CACNG5: variants seen among roughly 807,000 people sequenced by gnomAD.
The protein encoded by CACNG5 is voltage-dependent calcium channel gamma-5 subunit.
Under a neutral mutation model 24.8 loss-of-function variants are expected in CACNG5, and 18 were observed. That is an observed-to-expected ratio of 0.73 (90% CI 0.50 to 1.08). The LOEUF (loss-of-function observed/expected upper bound fraction) is 1.08. Among genes scored for constraint, CACNG5 ranks in the 50% least tolerant of loss-of-function variants. The pLI is 0.00. For missense variants in CACNG5, 349 were observed against 367.9 expected, an observed-to-expected ratio of 0.95 and a Z score of 0.42; for synonymous variants, 157 against 149.1, an observed-to-expected ratio of 1.05 and a Z score of -0.39.
intron 1 of CACNG5, among the ~76,000 whole-genome samples, chr17:66,874,785 G>A (rs902600055): frequency 6.6e-6 from 1 of 152,126 alleles, no homozygotes. Context: ...TTAGTGGCAC[G>A]GTTGAGTGTA....
intron 1 of CACNG5, among the ~76,000 whole-genome samples, chr17:66,870,738 A>G (rs1598057316): frequency 6.6e-6 from 1 of 152,136 alleles, no homozygotes; most frequent in Non-Finnish European, 1.5e-5. Context: ...CAACACTTTG[A>G]GAGGCCGAGG....
intron 3 of CACNG5, among the ~76,000 whole-genome samples, chr17:66,879,989 G>A (rs1375130467): frequency 6.6e-6 from 1 of 152,104 alleles, no homozygotes; most frequent in African/African-American, 2.4e-5. Context: ...GTGGTTGAGA[G>A]ACCCACCATG....
At chr17:66,837,508 G>A (rs771133404) in intron 1 of CACNG5, among the ~76,000 whole-genome samples, 3 of 152,220 alleles carry the variant, frequency 2.0e-5, no homozygotes, top group Non-Finnish European at 4.4e-5. Flanking sequence ...TTTTGGGCCA[G>A]TCCTACTCCC....
chr17:66,877,005 G>T (rs537898587), intron 1 of CACNG5, among the ~76,000 whole-genome samples: 6 of 150,520 alleles, frequency 4.0e-5, no homozygotes, highest in African/African-American at 1.5e-4. Context: ...ATGAATGAAT[G>T]AATGAATGAA....
intron 1 of CACNG5, among the ~76,000 whole-genome samples, chr17:66,876,381 GC>G (rs564842548): frequency 1.3e-5 from 2 of 152,216 alleles, no homozygotes; most frequent in Non-Finnish European, 2.9e-5. Flanking sequence ...CTCCACGGGG[GC>G]TGGCATCCAT....
intron 1 of CACNG5, among the ~76,000 whole-genome samples, chr17:66,853,271 T>C (rs371328355): frequency 1.3e-5 from 2 of 152,362 alleles, no homozygotes; most frequent in African/African-American, 4.8e-5. Context: ...ACACTGGGGT[T>C]GTTTCTAGTT....
intron 1 of CACNG5, among the ~76,000 whole-genome samples, chr17:66,850,869 A>G (rs1310237853): frequency 6.6e-6 from 1 of 152,152 alleles, no homozygotes; most frequent in Non-Finnish European, 1.5e-5. Flanking sequence ...ATTGACTTAT[A>G]AGAGAGAAGG....
chr17:66,839,451 G>A (rs1375867531), intron 1 of CACNG5, among the ~76,000 whole-genome samples: 3 of 152,100 alleles, frequency 2.0e-5, no homozygotes, highest in Admixed American at 6.6e-5. Flanking sequence ...GTAGAAAATG[G>A]AGGAGGCTGC....
intron 4 of CACNG5, among the ~76,000 whole-genome samples, chr17:66,881,322 T>C (rs1977155346): frequency 6.6e-6 from 1 of 152,158 alleles, no homozygotes. Context: ...TCTTGAGTAT[T>C]CCTATTTTTG....
intron 3 of CACNG5, among the ~76,000 whole-genome samples, chr17:66,879,358 A>C (rs1377504299): frequency 6.6e-6 from 1 of 152,120 alleles, no homozygotes; most frequent in Admixed American, 6.5e-5. Flanking sequence ...CCCAGTATGA[A>C]TTTGCAATAT....
At chr17:66,845,290 TA>T (rs978432753) in intron 1 of CACNG5, among the ~76,000 whole-genome samples, 15 of 151,760 alleles carry the variant, frequency 9.9e-5, no homozygotes, top group African/African-American at 3.6e-4. Context: ...AGGGACCTGT[TA>T]GGGGGGTGGT....
intron 1 of CACNG5, among the ~76,000 whole-genome samples, chr17:66,860,345 T>C (rs914661889): frequency 6.6e-6 from 1 of 152,098 alleles, no homozygotes; most frequent in African/African-American, 2.4e-5. Context: ...AGACACATCA[T>C]AGTCAAAATG....
chr17:66,882,611 C>T (rs11659136), intron 4 of CACNG5, among the ~76,000 whole-genome samples: 67,680 of 151,714 alleles, frequency 0.45, 15,558 homozygotes, highest in African/African-American at 0.58. Flanking sequence ...TTGGAGATAA[C>T]GACTTGGGCC....
chr17:66,839,609 G>A (rs1045531630), intron 1 of CACNG5, among the ~76,000 whole-genome samples: 10 of 151,284 alleles, frequency 6.6e-5, no homozygotes, highest in Non-Finnish European at 1.3e-4. Flanking sequence ...GAGAGCGAGA[G>A]GGGGAGGTCT....
chr17:66,881,740 G>T (rs1184190248), intron 4 of CACNG5, among the ~76,000 whole-genome samples: 5 of 151,722 alleles, frequency 3.3e-5, no homozygotes, highest in African/African-American at 9.7e-5. Context: ...GCAAATGTTG[G>T]TCATGGAAGA....
At chr17:66,840,175 C>T (rs1025193003) in intron 1 of CACNG5, among the ~76,000 whole-genome samples, 46 of 152,196 alleles carry the variant, frequency 3.0e-4, no homozygotes, top group African/African-American at 1.1e-3. Context: ...TCTGTGCACC[C>T]GTGCCAGAGA....
Position 66,884,641 on chromosome 17 carries a change from A to G in CACNG5, c.550A>G (p.Ile184Val). ...KYGWSFAFAA[I>V]SFLLTESAGV... ...TGGGTGGTCGTTTGCCTTCGCCGCC[A>G]TCTCCTTCCTTTTAACGGAGGTAAA... Residue 184 changes from isoleucine (I) to valine (V), a missense_variant, in exon 5 of 6, where the codon ATC becomes GTC. Transcript: ENST00000533854. 6.2e-7 allele frequency: 1 copy of G among 1,614,152 alleles called. No individual in the cohort carries two copies. The highest frequency in any genetic ancestry group is 8.5e-7 in the Non-Finnish European group (1 of 1,180,022).
In CACNG5 at chr17:66,892,176, C is replaced by T. The variant is rs1977353846; in HGVS notation, c.*6936C>T. 6.6e-6 allele frequency among the ~76,000 whole-genome samples: 1 copy of T among 152,234 alleles called. No homozygotes were observed. Among genetic ancestry groups the T allele is most frequent in the African/African-American group, 2.4e-5 (1 of 41,476 alleles). On this transcript the variant is annotated 3_prime_UTR_variant, in exon 6 of 6. Transcript: ENST00000533854. ...GGAGGTGGAAGCCCCAGGGACCTCC[C>T]CCCACTCCTCGCTCTGTCTCAGCCT... is the stretch of plus-strand genomic sequence containing the variant.
intron 1 of CACNG5, among the ~76,000 whole-genome samples, chr17:66,841,083 G>A (rs572309270): frequency 3.3e-5 from 5 of 152,254 alleles, no homozygotes; most frequent in Admixed American, 2.0e-4. Flanking sequence ...AGGTTCTGAC[G>A]ACATGTGCCC....
Sources: gnomAD v4.1 joint callset for allele counts (sites outside exome capture counted in the v4.1 genomes callset) on GRCh38, gnomAD v4.1.1 for gene constraint, MANE v1.5 for transcripts, NCBI Gene and HGNC (gene_info 2026-07-23, HGNC 2026-07-21) for gene names.